PITPNM3: variants seen among roughly 807,000 people sequenced by gnomAD.
PITPNM3 encodes the protein PITPNM family member 3.
In PITPNM3, 26 loss-of-function variants were observed where a neutral mutation model predicts 102.0. The observed-to-expected ratio is 0.25, with a 90% CI of 0.19 to 0.35. The LOEUF is 0.35. Among genes scored for constraint, PITPNM3 ranks in the 10% least tolerant of loss-of-function variants. The pLI is 1.00. For missense variants in PITPNM3, 1,083 were observed against 1,346.1 expected (o/e 0.80, Z 3.06); for synonymous variants, 578 against 558.6 (o/e 1.03, Z -0.49).
In PITPNM3 at chr17:6,556,534, T is replaced by TGCCGCCACCGCA. The variant is rs1437474905; in HGVS notation, c.-140_-129dup. The TGCCGCCACCGCA allele has an allele frequency of 1.7e-6, 1 of 575,950 alleles. No homozygotes were observed. The highest frequency in any genetic ancestry group is 2.2e-6 in the Non-Finnish European group (1 of 461,758). 35.7% of individuals were successfully genotyped at this position (575,950 alleles called of 1,614,324 possible). A position where few individuals can be genotyped will look rare whatever the true frequency, so the allele number is the denominator to read the frequency against. On this transcript the variant is annotated 5_prime_UTR_variant, in exon 1 of 20. Coordinates refer to ENST00000262483, the MANE Select transcript of PITPNM3 (RefSeq NM_031220.4). This position sits in a 1 kb window ranked among gnomAD's most constrained non-coding sequence, Gnocchi z 5.2. ...GCGCCCCCGCCCCGCTCGCCTCGGC[T>TGCCGCCACCGCA]GCCGCCACCGCAGCCGCCGCCGCCT...
chr17:6,478,564 T>G lies in PITPNM3; in HGVS notation c.760A>C (p.Ile254Leu), dbSNP rs1409046046. ...TGTCCTACCTGCCCACTGAAGCCAATCCCATCAGAGGACTTCAGGAACTCT... is the reference window on the plus strand; with the variant it reads ...TGTCCTACCTGCCCACTGAAGCCAAGCCCATCAGAGGACTTCAGGAACTCT... ...YREFLKSSDG[I>L]GFSGQVCLIG... is the part of the protein sequence containing the mutation. Residue 254 changes from isoleucine (I) to leucine (L), a missense_variant, in exon 7 of 20, where the codon ATT (isoleucine) becomes CTT (leucine). Coordinates refer to ENST00000262483, the MANE Select transcript of PITPNM3 (RefSeq NM_031220.4). This position sits in a 1 kb window ranked among gnomAD's most constrained non-coding sequence, Gnocchi z 4.4. 1 of 1,613,850 alleles carries G rather than the reference T, an allele frequency of 6.2e-7. No homozygotes were observed. Among genetic ancestry groups the G allele is most frequent in the South Asian group, 1.1e-5 (1 of 91,066 alleles).
chr17:6,522,641 C>G (rs1217996332), intron 3 of PITPNM3, among the ~76,000 whole-genome samples: 2 of 152,108 alleles, frequency 1.3e-5, no homozygotes, highest in Non-Finnish European at 1.5e-5. Context: ...CAGCATGAGG[C>G]AGGGGAGGGG....
At chr17:6,489,831 C>T (rs1906339129) in intron 4 of PITPNM3, among the ~76,000 whole-genome samples, 1 of 151,988 alleles carries the variant, frequency 6.6e-6, no homozygotes, top group South Asian at 2.1e-4. Context: ...TGGTGAAACC[C>T]CATCTCTACT....
intron 1 of PITPNM3, among the ~76,000 whole-genome samples, chr17:6,553,656 A>G (rs1910439114): frequency 6.6e-6 from 1 of 152,188 alleles, no homozygotes; most frequent in Admixed American, 6.5e-5. Context: ...AACATCTCAC[A>G]GGTCATGGTG....
At chr17:6,536,229 G>A (rs968932837) in intron 2 of PITPNM3, among the ~76,000 whole-genome samples, 7 of 152,162 alleles carry the variant, frequency 4.6e-5, no homozygotes, top group Non-Finnish European at 7.3e-5. Flanking sequence ...GGAGACAGCC[G>A]TCAGCATGAG....
Position 6,457,525 on chromosome 17 carries a change from G to A in PITPNM3, c.2619+69C>T, listed in dbSNP as rs188710176. On this transcript the variant is annotated intron_variant, in intron 19 of 19. Transcript: ENST00000262483. This position sits in a 1 kb window ranked among gnomAD's most constrained non-coding sequence, Gnocchi z 4.7. ...AAATGAATGAATGAATGAATGAAGT[G>A]CTTACTCCCTCTATCCCTTTCCCTG... is the stretch of plus-strand genomic sequence containing the variant. The A allele has an allele frequency of 5.9e-4, 949 of 1,599,134 alleles. 1 individual carries two copies. Among genetic ancestry groups the A allele is most frequent in the Admixed American group, 7.7e-4 (46 of 59,580 alleles).
intron 3 of PITPNM3, among the ~76,000 whole-genome samples, chr17:6,506,957 AG>A (rs1175230187): frequency 1.1e-4 from 17 of 152,190 alleles, no homozygotes; most frequent in African/African-American, 4.1e-4. Flanking sequence ...GTTGAGTGAG[AG>A]GTTTTTTCCC....
chr17:6,455,505 G>T lies in PITPNM3; in HGVS notation c.2758C>A (p.Arg920Ser). The change falls in exon 20 of 20, where the codon CGC (arginine) becomes AGC (serine). Residue 920 changes from arginine (R) to serine (S), a missense_variant. Arg to Ser is a moderately radical substitution (Grantham distance 110). Coordinates refer to ENST00000262483, the MANE Select transcript of PITPNM3 (RefSeq NM_031220.4). ...LHAQPEFLRK[R>S]NHLRRTMSVQ... ...GACATGGTTCTGCGCAGGTGGTTGCGCTTCCGCAGGAACTCTGGCTGCGCG... is the reference window on the plus strand; with the variant it reads ...GACATGGTTCTGCGCAGGTGGTTGCTCTTCCGCAGGAACTCTGGCTGCGCG... The T allele has an allele frequency of 6.2e-7, 1 of 1,605,824 alleles. No individual in the cohort carries two copies.
intron 1 of PITPNM3, among the ~76,000 whole-genome samples, chr17:6,555,283 T>C (rs1398800918): frequency 6.6e-6 from 1 of 152,164 alleles, no homozygotes; most frequent in Non-Finnish European, 1.5e-5. Flanking sequence ...ACAGGCTCAG[T>C]GCCTGCACAG....
chr17:6,539,236 T>C (rs1032535969), intron 1 of PITPNM3, among the ~76,000 whole-genome samples: 2 of 152,124 alleles, frequency 1.3e-5, no homozygotes, highest in African/African-American at 4.8e-5. Context: ...GAGCTGACGT[T>C]CCACCCTCGG....
At chr17:6,488,041 G>GC (rs1906204214) in intron 4 of PITPNM3, among the ~76,000 whole-genome samples, 1 of 152,114 alleles carries the variant, frequency 6.6e-6, no homozygotes, top group Non-Finnish European at 1.5e-5. Context: ...TCAGATTCTG[G>GC]CCCCTTGAGA....
Position 6,451,313 on chromosome 17 carries a change from C to A in PITPNM3, c.*4025G>T, listed in dbSNP as rs1913821615. On this transcript the variant is annotated 3_prime_UTR_variant, in exon 20 of 20. Transcript: ENST00000262483. ...AGTGACAACATTTGAGAGCTAAAAA[C>A]CAGCTCACATCAAAATCAAGACCCA... 1 of 152,194 alleles carries A rather than the reference C, an allele frequency of 6.6e-6. No individual in the cohort carries two copies. The highest frequency in any genetic ancestry group is 1.5e-5 in the Non-Finnish European group (1 of 68,026). 9.4% of individuals were successfully genotyped at this position (152,194 alleles called of 1,614,324 possible).
At chr17:6,542,491 G>A (rs1232703852) in intron 1 of PITPNM3, among the ~76,000 whole-genome samples, 1 of 152,168 alleles carries the variant, frequency 6.6e-6, no homozygotes, top group Admixed American at 6.5e-5. Context: ...CCAGCCATGG[G>A]TGAAAATTTA....
chr17:6,505,195 A>AATATATATAT lies in PITPNM3; in HGVS notation c.227-1631_227-1622dup, dbSNP rs55839764. 8.1e-3 allele frequency among the ~76,000 whole-genome samples: 1,104 copies of AATATATATAT among 136,272 alleles called. 44 individuals are homozygous for AATATATATAT. The highest frequency in any genetic ancestry group is 0.03 in the African/African-American group (1,023 of 33,844). 89.4% of individuals were successfully genotyped at this position (136,272 alleles called of 152,430 possible). A position where few individuals can be genotyped will look rare whatever the true frequency, so the allele number is the denominator to read the frequency against. ...CGTCTCCAAAAAAGAAGACAAATAAAATATATATATATATATATATGTAAA... is the reference window on the plus strand; with the variant it reads ...CGTCTCCAAAAAAGAAGACAAATAAAATATATATATATATATATATATATATATATGTAAA... On this transcript the variant is annotated intron_variant, in intron 3 of 19. Transcript: ENST00000262483.
chr17:6,501,027 AATTC>A (rs1353061988), intron 4 of PITPNM3, among the ~76,000 whole-genome samples: 1 of 152,202 alleles, frequency 6.6e-6, no homozygotes, highest in Non-Finnish European at 1.5e-5. Context: ...TCAGCAATAG[AATTC>A]TAACTACTTA....
At position 6,472,507 on chromosome 17, in the gene PITPNM3, C is replaced by T. The variant is rs572054322; in HGVS notation, c.1429+150G>A. ...CAAGCAGGTGCTTAGCACAGGTGGG[C>T]GACTCTGAAGACAGAGGAGTCGGCT... is the stretch of plus-strand genomic sequence containing the variant. On this transcript the variant is annotated intron_variant, in intron 11 of 19. Coordinates refer to ENST00000262483, the MANE Select transcript of PITPNM3 (RefSeq NM_031220.4). The surrounding 1 kb of genome is among the most constrained non-coding windows in gnomAD (Gnocchi z 4.1). The T allele has an allele frequency of 2.2e-5, 25 of 1,125,014 alleles. No individual in the cohort carries two copies. The Admixed American group carries it at 2.5e-4, about 11-fold the overall frequency. 69.7% of individuals were successfully genotyped at this position (1,125,014 alleles called of 1,614,324 possible). A position where few individuals can be genotyped will look rare whatever the true frequency, so the allele number is the denominator to read the frequency against.
intron 18 of PITPNM3, chr17:6,460,444 G>A (rs1567658805): frequency 6.6e-6 from 1 of 152,342 alleles, no homozygotes; most frequent in African/African-American, 2.4e-5. Flanking sequence ...TCAGGGATTT[G>A]CAGACTTTTT....
rs767533092 is a variant in PITPNM3 at position 6,478,143 on chromosome 17, C to T, written c.778-46G>A. On this transcript the variant is annotated intron_variant, in intron 7 of 19. Transcript: ENST00000262483. This position sits in a 1 kb window ranked among gnomAD's most constrained non-coding sequence, Gnocchi z 4.4. Reference sequence around the variant, plus strand: ...ACTGCAGGCCTGCCCACTGCTGACCCCTCACCCCCACACCCGGCCAGAGCA... The same window carrying T: ...ACTGCAGGCCTGCCCACTGCTGACCTCTCACCCCCACACCCGGCCAGAGCA... 1 of 1,610,026 alleles carries T rather than the reference C, an allele frequency of 6.2e-7. No homozygotes were observed. The highest frequency in any genetic ancestry group is 1.7e-5 in the Admixed American group (1 of 60,028).
intron 4 of PITPNM3, among the ~76,000 whole-genome samples, chr17:6,493,853 G>C (rs935960568): frequency 1.3e-5 from 2 of 152,218 alleles, no homozygotes; most frequent in Admixed American, 1.3e-4. Context: ...AAGTGAACAC[G>C]GGGTTAGTTC....
Sources: gnomAD v4.1 joint callset for allele counts (sites outside exome capture counted in the v4.1 genomes callset) on GRCh38, gnomAD v4.1.1 for gene constraint, Gnocchi (gnomAD v3.1) non-coding constraint, MANE v1.5 for transcripts, NCBI Gene and HGNC (gene_info 2026-07-23, HGNC 2026-07-21) for gene names.